Variants in WWOX observed in about 807,000 individuals in gnomAD.
WWOX encodes the protein WW domain-containing oxidoreductase.
A neutral mutation model predicts 46.2 loss-of-function variants in WWOX; 69 were observed. The ratio of observed to expected loss-of-function variants is 1.49; its 90% CI spans 1.23 to 1.82. The LOEUF (loss-of-function observed/expected upper bound fraction) is 1.82. WWOX is among the 40% of genes most tolerant of loss of function. The pLI is 0.00. For synonymous variants in WWOX, 359 were observed against 202.6 expected, an observed-to-expected ratio of 1.77 and a Z score of -6.56; for missense variants, 919 against 542.6, an observed-to-expected ratio of 1.69 and a Z score of -6.89.
chr16:78,621,755 C>G (rs1430271620), intron 8 of WWOX, among the ~76,000 whole-genome samples: 1 of 151,628 alleles, frequency 6.6e-6, no homozygotes, highest in South Asian at 2.1e-4. Context: ...CAGGCACTCA[C>G]CACCATGCCT....
intron 8 of WWOX, among the ~76,000 whole-genome samples, chr16:78,842,616 C>G (rs1597706613): frequency 6.6e-6 from 1 of 152,152 alleles, no homozygotes; most frequent in African/African-American, 2.4e-5. Flanking sequence ...GTAATCCCAG[C>G]ACTTTGGGAG....
chr16:78,715,262 C>G (rs558627435), intron 8 of WWOX, among the ~76,000 whole-genome samples: 1 of 152,180 alleles, frequency 6.6e-6, no homozygotes, highest in Admixed American at 6.5e-5. Flanking sequence ...TTTGTCTTTT[C>G]TTGCTGAATA....
intron 8 of WWOX, among the ~76,000 whole-genome samples, chr16:78,601,074 A>G (rs759026922): frequency 3.3e-5 from 5 of 152,136 alleles, no homozygotes; most frequent in Non-Finnish European, 5.9e-5. Flanking sequence ...AAATACCCTG[A>G]TTTTATGTGT....
chr16:78,866,971 A>C (rs370773748), intron 8 of WWOX, among the ~76,000 whole-genome samples: 1 of 152,218 alleles, frequency 6.6e-6, no homozygotes, highest in Non-Finnish European at 1.5e-5. Context: ...TATGATAGCC[A>C]AAGGGTTTCA....
chr16:78,484,650 A>AT (rs1388033516), intron 8 of WWOX, among the ~76,000 whole-genome samples: 1 of 152,110 alleles, frequency 6.6e-6, no homozygotes, highest in Non-Finnish European at 1.5e-5. Context: ...AGTTGAGTGG[A>AT]TGTGGGGCTT....
chr16:78,709,750 T>A (rs77640743), intron 8 of WWOX, among the ~76,000 whole-genome samples: 1,770 of 144,972 alleles, frequency 0.012, 39 homozygotes, highest in African/African-American at 0.043. Flanking sequence ...TTTTTTTTTG[T>A]GATAATCTCT....
At chr16:78,285,459 T>TAAA (rs2079751779) in intron 5 of WWOX, among the ~76,000 whole-genome samples, 1 of 151,526 alleles carries the variant, frequency 6.6e-6, no homozygotes, top group Non-Finnish European at 1.5e-5. Flanking sequence ...AAAAAAAAAT[T>TAAA]AAGTTAGAAG....
At chr16:79,016,989 T>C (rs2047427061) in intron 8 of WWOX, 1 of 152,220 alleles carries the variant, frequency 6.6e-6, no homozygotes, top group Admixed American at 6.5e-5. Context: ...TGTGAGCCAC[T>C]GCCCCTGCCC....
At chr16:78,395,364 C>G (rs975357235) in intron 6 of WWOX, among the ~76,000 whole-genome samples, 1 of 152,116 alleles carries the variant, frequency 6.6e-6, no homozygotes, top group African/African-American at 2.4e-5. Context: ...ACAAAAATTA[C>G]AGAAATTAGT....
intron 8 of WWOX, among the ~76,000 whole-genome samples, chr16:78,997,520 C>T (rs531201172): frequency 6.6e-6 from 1 of 152,110 alleles, no homozygotes; most frequent in Non-Finnish European, 1.5e-5. Context: ...ACTTTCATTG[C>T]CCTTTGCTCT....
At chr16:78,187,822 G>A (rs1401871847) in intron 5 of WWOX, among the ~76,000 whole-genome samples, 1 of 152,172 alleles carries the variant, frequency 6.6e-6, no homozygotes, top group Non-Finnish European at 1.5e-5. Context: ...AATGGTTCAA[G>A]CCACATTAGA....
intron 8 of WWOX, among the ~76,000 whole-genome samples, chr16:79,031,110 T>A (rs907558429): frequency 0.018 from 2,201 of 124,024 alleles, 22 homozygotes; most frequent in Non-Finnish European, 0.027. Context: ...AAAAAAAAAA[T>A]CCAGTAGGAA....
At chr16:78,576,573 C>T (rs1020785250) in intron 8 of WWOX, among the ~76,000 whole-genome samples, 8 of 152,136 alleles carry the variant, frequency 5.3e-5, no homozygotes, top group Admixed American at 1.3e-4. Flanking sequence ...TACCTCATGC[C>T]TATAATCCTA....
intron 8 of WWOX, among the ~76,000 whole-genome samples, chr16:78,727,547 A>C (rs1264976274): frequency 6.6e-6 from 1 of 152,206 alleles, no homozygotes; most frequent in East Asian, 1.9e-4. Flanking sequence ...GAGGGACACA[A>C]GGTCTGGGTC....
Position 78,164,272 on chromosome 16 carries a change from C to T in WWOX, c.499C>T (p.Arg167Cys), listed in dbSNP as rs201228765. 6.2e-5 allele frequency: 100 copies of T among 1,613,892 alleles called. No homozygotes were observed. Among genetic ancestry groups the T allele is most frequent in the African/African-American group, 4.9e-4 (37 of 74,902 alleles). ...GGCAAGGGCGAGTGAAGCAGTGTCA[C>T]GCATTTTAGAAGAATGGGTAAGTGC... is the stretch of plus-strand genomic sequence containing the variant. The part of the protein sequence containing the change: ...NMARASEAVS[R>C]ILEEWHKAKV... The change falls in exon 5 of 9, where the codon CGC (arginine) becomes TGC (cysteine). Residue 167 changes from arginine to cysteine, a missense_variant. Physicochemically the swap from Arg to Cys is radical, Grantham distance 180. Coordinates refer to ENST00000566780, the MANE Select transcript of WWOX (RefSeq NM_016373.4).
chr16:78,115,985 C>G (rs934837371), intron 4 of WWOX, among the ~76,000 whole-genome samples: 2 of 152,074 alleles, frequency 1.3e-5, no homozygotes, highest in African/African-American at 4.8e-5. Flanking sequence ...TCATTTGTTT[C>G]TCTTTCCTAA....
At chr16:78,360,441 C>G (rs1294801526) in intron 5 of WWOX, among the ~76,000 whole-genome samples, 1 of 152,034 alleles carries the variant, frequency 6.6e-6, no homozygotes, top group Non-Finnish European at 1.5e-5. Flanking sequence ...AAAAATTAGC[C>G]TGGCATGGCA....
chr16:78,575,658 G>A (rs1398847615), intron 8 of WWOX, among the ~76,000 whole-genome samples: 1 of 152,082 alleles, frequency 6.6e-6, no homozygotes, highest in Admixed American at 6.5e-5. Flanking sequence ...ATACAGTTTT[G>A]AAAGCCTAGC....
chr16:79,177,216 T>C (rs1250030969), intron 8 of WWOX, among the ~76,000 whole-genome samples: 2 of 152,204 alleles, frequency 1.3e-5, no homozygotes, highest in Non-Finnish European at 2.9e-5. Context: ...AACTGACACA[T>C]GCTGGATCTT....
Sources: gnomAD v4.1 joint callset for allele counts (sites outside exome capture counted in the v4.1 genomes callset) on GRCh38, gnomAD v4.1.1 for gene constraint, MANE v1.5 for transcripts, NCBI Gene and HGNC (gene_info 2026-07-23, HGNC 2026-07-21) for gene names.